Variants in STXBP6 observed in about 807,000 individuals in gnomAD.
STXBP6 encodes syntaxin-binding protein 6.
A neutral mutation model predicts 26.9 loss-of-function variants in STXBP6; 21 were observed. The observed-to-expected ratio is 0.78, with a 90% CI of 0.55 to 1.12. The LOEUF is 1.12. Ranked by LOEUF, STXBP6 falls within the 50% of genes most tolerant of loss-of-function variation. The pLI, the probability that STXBP6 is intolerant of heterozygous loss-of-function variation, is 0.00. For missense variants in STXBP6, 232 were observed against 257.9 expected, an observed-to-expected ratio of 0.90 and a Z score of 0.69; for synonymous variants, 97 against 92.6, an observed-to-expected ratio of 1.05 and a Z score of -0.27.
chr14:24,826,929 G>A (rs1379150256), intron 4 of STXBP6, among the ~76,000 whole-genome samples: 1 of 152,188 alleles, frequency 6.6e-6, no homozygotes, highest in African/African-American at 2.4e-5. Flanking sequence ...GCCAGGTGTG[G>A]TGGCTCATGC....
Position 25,002,359 on chromosome 14 carries a change from C to CTTTTTTTTTTTTTT in STXBP6, c.-32-27523_-32-27510dup, listed in dbSNP as rs747010332. Among the ~76,000 whole-genome samples the CTTTTTTTTTTTTTT allele has an allele frequency of 1.7e-4, 21 of 121,354 alleles. 2 individuals are homozygous for CTTTTTTTTTTTTTT. The highest frequency in any genetic ancestry group is 3.7e-4 in the African/African-American group (11 of 29,630). The allele number at this position is 121,354 out of a possible 152,430, so 79.6% of individuals were successfully genotyped here. A position where few individuals can be genotyped will look rare whatever the true frequency, so the allele number is the denominator to read the frequency against. ...ATCCCATACAGTTAAATTCTTATGA[C>CTTTTTTTTTTTTTT]TTTTTTTTTTTTTTTTTTGAGACAC... On this transcript the variant is annotated intron_variant, in intron 1 of 5. Coordinates refer to ENST00000323944, the MANE Select transcript of STXBP6 (RefSeq NM_001394410.1).
At chr14:24,939,449 A>C (rs980223104) in intron 2 of STXBP6, among the ~76,000 whole-genome samples, 1 of 150,416 alleles carries the variant, frequency 6.6e-6, no homozygotes, top group African/African-American at 2.5e-5. Flanking sequence ...TTTTCAAGTA[A>C]ATCTACATTA....
At chr14:24,938,904 AAGGCAG>A (rs1161104475) in intron 2 of STXBP6, among the ~76,000 whole-genome samples, 4 of 152,168 alleles carry the variant, frequency 2.6e-5, no homozygotes, top group South Asian at 2.1e-4. Context: ...CAGTACAACA[AAGGCAG>A]AGGGTTGATG....
intron 2 of STXBP6, among the ~76,000 whole-genome samples, chr14:24,938,041 A>C (rs1009292541): frequency 5.3e-5 from 8 of 152,198 alleles, no homozygotes; most frequent in African/African-American, 1.9e-4. Flanking sequence ...GGGGAAGAAA[A>C]CCATTCACCT....
chr14:24,955,235 G>C (rs1356895713), intron 2 of STXBP6, among the ~76,000 whole-genome samples: 1 of 152,130 alleles, frequency 6.6e-6, no homozygotes, highest in Non-Finnish European at 1.5e-5. Flanking sequence ...CTTCTAAATG[G>C]TCAAAGGGCC....
Position 25,044,170 on chromosome 14 carries a change from C to CAAA in STXBP6, c.-33+5705_-33+5707dup, listed in dbSNP as rs768658907. On this transcript the variant is annotated intron_variant, in intron 1 of 5. Transcript: ENST00000323944. ...TGGGAGACAGAATGAGACTCTGCCT[C>CAAA]AAAAAAAAAAAAAAAAAAAAAAAAG... Among the ~76,000 whole-genome samples the CAAA allele has an allele frequency of 2.3e-3, 122 of 53,164 alleles. 2 individuals carry two copies. The highest frequency in any genetic ancestry group is 0.013 in the East Asian group (19 of 1,518). The allele number at this position is 53,164 out of a possible 152,430, so 34.9% of individuals were successfully genotyped here. A position where few individuals can be genotyped will look rare whatever the true frequency, so the allele number is the denominator to read the frequency against.
chr14:24,925,036 G>A (rs1000916435), intron 2 of STXBP6, among the ~76,000 whole-genome samples: 1 of 152,104 alleles, frequency 6.6e-6, no homozygotes, highest in African/African-American at 2.4e-5. Flanking sequence ...TTCCATGTTC[G>A]TGGTGTTGTA....
chr14:24,963,055 T>C (rs532210824), intron 2 of STXBP6, among the ~76,000 whole-genome samples: 1 of 152,296 alleles, frequency 6.6e-6, no homozygotes, highest in South Asian at 2.1e-4. Flanking sequence ...GGGAGAAGTA[T>C]TAAAAAACAT....
At chr14:24,968,161 A>G (rs1363827086) in intron 2 of STXBP6, among the ~76,000 whole-genome samples, 1 of 142,266 alleles carries the variant, frequency 7.0e-6, no homozygotes, top group East Asian at 2.1e-4. Flanking sequence ...CACTATTTAT[A>G]TAATAAAGAA....
intron 2 of STXBP6, among the ~76,000 whole-genome samples, chr14:24,966,321 C>G (rs746114796): frequency 6.6e-6 from 1 of 151,426 alleles, no homozygotes; most frequent in Non-Finnish European, 1.5e-5. Flanking sequence ...ACACTCTGCT[C>G]AAGGAATGTT....
chr14:24,854,179 T>G (rs2069248505), intron 4 of STXBP6, among the ~76,000 whole-genome samples: 1 of 152,038 alleles, frequency 6.6e-6, no homozygotes, highest in South Asian at 2.1e-4. Context: ...CCTAGTGCAG[T>G]CTGTTAAGGG....
At chr14:24,982,486 T>C (rs966940638) in intron 1 of STXBP6, among the ~76,000 whole-genome samples, 11 of 152,218 alleles carry the variant, frequency 7.2e-5, no homozygotes, top group African/African-American at 2.7e-4. Context: ...TCTGGAACAA[T>C]GTAAAAACAA....
intron 2 of STXBP6, among the ~76,000 whole-genome samples, chr14:24,871,165 G>C (rs2069920136): frequency 6.6e-6 from 1 of 151,930 alleles, no homozygotes; most frequent in South Asian, 2.1e-4. Flanking sequence ...CTCCTTAAGA[G>C]AGAAAAAGCT....
chr14:24,969,852 AT>A (rs1202229978), intron 2 of STXBP6, among the ~76,000 whole-genome samples: 1 of 152,204 alleles, frequency 6.6e-6, no homozygotes. Flanking sequence ...TCTCATGCCT[AT>A]AAAGGAGAGG....
intron 1 of STXBP6, among the ~76,000 whole-genome samples, chr14:25,040,190 G>T (rs1349199260): frequency 6.6e-6 from 1 of 152,098 alleles, no homozygotes. Flanking sequence ...TCCCAGCCTG[G>T]GGCCATATGA....
intron 4 of STXBP6, among the ~76,000 whole-genome samples, chr14:24,836,365 G>A (rs1055014521): frequency 1.3e-5 from 2 of 152,130 alleles, no homozygotes; most frequent in East Asian, 1.9e-4. Context: ...GGGAGGTCGA[G>A]GCGAGCGGAC....
intron 4 of STXBP6, among the ~76,000 whole-genome samples, chr14:24,839,665 T>C (rs1013965248): frequency 1.3e-5 from 2 of 152,214 alleles, no homozygotes; most frequent in Admixed American, 1.3e-4. Context: ...GTACTGTATT[T>C]ACTCAGCGCC....
chr14:24,947,315 C>G (rs2073025419), intron 2 of STXBP6, among the ~76,000 whole-genome samples: 1 of 152,116 alleles, frequency 6.6e-6, no homozygotes, highest in African/African-American at 2.4e-5. Context: ...ATGATGGGAA[C>G]AGCCCACAGA....
chr14:24,834,727 G>C (rs2068560337), intron 4 of STXBP6, among the ~76,000 whole-genome samples: 1 of 152,126 alleles, frequency 6.6e-6, no homozygotes, highest in Non-Finnish European at 1.5e-5. Flanking sequence ...AACTACGAGA[G>C]TCAAGATGGG....
Sources: gnomAD v4.1 joint callset for allele counts (sites outside exome capture counted in the v4.1 genomes callset) on GRCh38, gnomAD v4.1.1 for gene constraint, MANE v1.5 for transcripts, NCBI Gene and HGNC (gene_info 2026-07-23, HGNC 2026-07-21) for gene names.